GMDS: variants seen among roughly 807,000 people sequenced by gnomAD.
GMDS encodes the protein GDP-mannose 4,6-dehydratase, also known as GDP-mannose 4,6 dehydratase.
Under a neutral mutation model 49.9 loss-of-function variants are expected in GMDS, and 20 were observed. The observed-to-expected ratio is 0.40, with a 90% CI of 0.28 to 0.58. GMDS has a LOEUF of 0.58. GMDS is among the 20% of genes least tolerant of loss of function. The pLI is 0.42. For synonymous variants in GMDS, 177 were observed against 178.6 expected (o/e 0.99, Z 0.07); for missense variants, 362 against 481.4 (o/e 0.75, Z 2.32).
At chr6:2,122,797 T>C (rs933663199) in intron 2 of GMDS, among the ~76,000 whole-genome samples, 2 of 152,230 alleles carry the variant, frequency 1.3e-5, no homozygotes, top group Non-Finnish European at 2.9e-5. Flanking sequence ...TTATGCTTTG[T>C]GGCTGTGTAC....
chr6:2,090,977 T>C (rs774578197), intron 4 of GMDS, among the ~76,000 whole-genome samples: 8 of 152,208 alleles, frequency 5.3e-5, no homozygotes, highest in Non-Finnish European at 1.2e-4. Flanking sequence ...TTCATCCCTT[T>C]AGGGTGTACA....
At chr6:1,626,607 G>A (rs189336564) in intron 9 of GMDS, among the ~76,000 whole-genome samples, 14 of 152,260 alleles carry the variant, frequency 9.2e-5, no homozygotes, top group Non-Finnish European at 1.3e-4. Context: ...ATCCTATAGC[G>A]GCTAGACGGT....
intron 7 of GMDS, among the ~76,000 whole-genome samples, chr6:1,776,956 A>T (rs1768862462): frequency 6.6e-6 from 1 of 152,240 alleles, no homozygotes. Context: ...AGCAACAACA[A>T]GAGCATCTGT....
At chr6:1,960,041 G>GT in intron 5 of GMDS, 70 bp from the exon 6 acceptor site, 1 of 846,984 alleles carries the variant, frequency 1.2e-6, no homozygotes, top group South Asian at 1.7e-5. Context: ...ATCTTCAACA[G>GT]TAACATCTTG....
chr6:1,810,079 G>A (rs559481513), intron 7 of GMDS, among the ~76,000 whole-genome samples: 2 of 152,078 alleles, frequency 1.3e-5, no homozygotes, highest in South Asian at 2.1e-4. Flanking sequence ...CCCCTGAGCC[G>A]GGGGTGGGGT....
intron 4 of GMDS, among the ~76,000 whole-genome samples, chr6:2,015,147 A>G (rs1278990345): frequency 2.0e-5 from 3 of 152,168 alleles, no homozygotes; most frequent in African/African-American, 7.2e-5. Context: ...TCACAGATCC[A>G]ACTGGCAGAA....
At chr6:1,972,253 T>A (rs1382292961) in intron 4 of GMDS, among the ~76,000 whole-genome samples, 1 of 137,802 alleles carries the variant, frequency 7.3e-6, no homozygotes, top group African/African-American at 2.7e-5. Context: ...CTAAGTCTCC[T>A]GGGTTTTTGT....
chr6:1,952,005 A>G (rs1261975264), intron 6 of GMDS: 6 of 979,316 alleles, frequency 6.1e-6, no homozygotes, highest in Non-Finnish European at 7.3e-6. Flanking sequence ...TATATATGTT[A>G]TTTCCACAAA....
At chr6:1,654,777 A>G (rs1010141063) in intron 9 of GMDS, among the ~76,000 whole-genome samples, 1 of 152,068 alleles carries the variant, frequency 6.6e-6, no homozygotes, top group African/African-American at 2.4e-5. Context: ...AAAATATCCC[A>G]CTGGGCCAGG....
chr6:1,762,585 A>G (rs533789363), intron 7 of GMDS, among the ~76,000 whole-genome samples: 1 of 152,352 alleles, frequency 6.6e-6, no homozygotes, highest in South Asian at 2.1e-4. Flanking sequence ...GGCCCAGGGA[A>G]GATTTGTGCT....
At chr6:2,105,446 C>T (rs1426121644) in intron 4 of GMDS, among the ~76,000 whole-genome samples, 3 of 152,122 alleles carry the variant, frequency 2.0e-5, no homozygotes, top group Admixed American at 2.0e-4. Context: ...CATACTGGCT[C>T]TGAATTGTCC....
intron 1 of GMDS, among the ~76,000 whole-genome samples, chr6:2,154,863 CAAA>C (rs70992124): frequency 1.5e-5 from 1 of 65,624 alleles, no homozygotes; most frequent in Non-Finnish European, 3.0e-5. Context: ...TGAAGAGATG[CAAA>C]AAAAAAAAAA....
intron 6 of GMDS, among the ~76,000 whole-genome samples, chr6:1,943,488 A>G (rs949913294): frequency 1.3e-5 from 2 of 152,350 alleles, no homozygotes; most frequent in South Asian, 4.1e-4. Flanking sequence ...TAGGTGTTCA[A>G]TCAACATTTT....
chr6:1,860,314 C>T (rs1050194056), intron 7 of GMDS, among the ~76,000 whole-genome samples: 1 of 152,130 alleles, frequency 6.6e-6, no homozygotes, highest in Admixed American at 6.5e-5. Flanking sequence ...TACTGATATA[C>T]ACAACATGGA....
chr6:2,078,252 C>T (rs1772463075), intron 4 of GMDS, among the ~76,000 whole-genome samples: 1 of 151,964 alleles, frequency 6.6e-6, no homozygotes, highest in Non-Finnish European at 1.5e-5. Flanking sequence ...TGAACTGTTA[C>T]TTTAGTCTCT....
intron 7 of GMDS, among the ~76,000 whole-genome samples, chr6:1,908,608 T>C (rs1316077022): frequency 6.6e-6 from 1 of 152,218 alleles, no homozygotes; most frequent in Non-Finnish European, 1.5e-5. Flanking sequence ...ATCACTCTAC[T>C]CAGCCATCCT....
chr6:2,015,737 C>A (rs1027670377), intron 4 of GMDS, among the ~76,000 whole-genome samples: 2 of 152,118 alleles, frequency 1.3e-5, no homozygotes, highest in African/African-American at 2.4e-5. Context: ...TTGGAACACA[C>A]GTTTGTTCAT....
intron 4 of GMDS, among the ~76,000 whole-genome samples, chr6:1,977,071 G>T (rs988574770): frequency 6.6e-5 from 10 of 152,116 alleles, no homozygotes; most frequent in African/African-American, 2.4e-4. Context: ...TTGAGAAATA[G>T]AAATTAGTTC....
intron 4 of GMDS, among the ~76,000 whole-genome samples, chr6:2,080,515 G>T (rs1191762651): frequency 1.3e-5 from 2 of 152,068 alleles, no homozygotes; most frequent in Admixed American, 6.6e-5. Context: ...GGTTGGGTAG[G>T]GCACTTTAGC....
Sources: gnomAD v4.1 joint callset for allele counts (sites outside exome capture counted in the v4.1 genomes callset) on GRCh38, gnomAD v4.1.1 for gene constraint, MANE v1.5 for transcripts, NCBI Gene and HGNC (gene_info 2026-07-23, HGNC 2026-07-21) for gene names.